Variants in COL5A2 observed in about 807,000 individuals in gnomAD.
The protein encoded by COL5A2 is collagen alpha-2(V) chain.
Under a neutral mutation model 208.2 loss-of-function variants are expected in COL5A2, and 23 were observed. That is an observed-to-expected ratio of 0.11 (90% confidence interval 0.08 to 0.16). The LOEUF is 0.16. Among genes scored for constraint, COL5A2 ranks in the 10% least tolerant of loss-of-function variants. The pLI is 1.00. For missense variants in COL5A2, 1,590 were observed against 1,956.4 expected, an observed-to-expected ratio of 0.81 and a Z score of 3.53; for synonymous variants, 625 against 628.5, an observed-to-expected ratio of 0.99 and a Z score of 0.08.
At chr2:189,331,908 C>T in the COL5A2 span, among the ~76,000 whole-genome samples, 4 of 150,204 alleles carry the variant, frequency 2.7e-5, no homozygotes, top group Admixed American at 2.6e-4. Flanking sequence ...GGAGATTGTG[C>T]CACTGCACTC....
At chr2:189,152,241 C>T (rs1688159086) in intron 1 of COL5A2, among the ~76,000 whole-genome samples, 1 of 152,168 alleles carries the variant, frequency 6.6e-6, no homozygotes, top group Non-Finnish European at 1.5e-5. Context: ...GATGATGCAG[C>T]TCATAGATGA....
chr2:189,228,348 T>C (rs1307664600), upstream of COL5A2, among the ~76,000 whole-genome samples: 1 of 151,070 alleles, frequency 6.6e-6, no homozygotes, highest in Non-Finnish European at 1.5e-5. Flanking sequence ...AGAAAAACCA[T>C]AGAAAAATCA....
chr2:189,051,697 G>C (rs1213494946), intron 41 of COL5A2, among the ~76,000 whole-genome samples: 1 of 152,150 alleles, frequency 6.6e-6, no homozygotes, highest in Non-Finnish European at 1.5e-5. Context: ...AATATCATTT[G>C]CAGTCAATTC....
the COL5A2 span, among the ~76,000 whole-genome samples, chr2:189,265,299 T>G: frequency 6.6e-6 from 1 of 152,178 alleles, no homozygotes; most frequent in Non-Finnish European, 1.5e-5. Context: ...TCTCACAGTT[T>G]GGAAAGCTAG....
the COL5A2 span, among the ~76,000 whole-genome samples, chr2:189,261,234 T>C: frequency 6.6e-6 from 1 of 152,178 alleles, no homozygotes; most frequent in Non-Finnish European, 1.5e-5. Context: ...ACTGAAACCA[T>C]CAAGCTGTTG....
Position 189,066,477 on chromosome 2 carries a change from A to T in COL5A2, c.1476T>A (p.Gly492=). 6.2e-7 allele frequency: 1 copy of T among 1,614,134 alleles called. No individual in the cohort carries two copies. Among genetic ancestry groups the T allele is most frequent in the Non-Finnish European group, 8.5e-7 (1 of 1,180,024 alleles). The part of the protein sequence containing the change: ...KGEPGPHGIQ[G]PIGPPGEEGK... ...CTTCTTCACCGGGTGGGCCTATCGG[A>T]CCCTGAATACCATGTGGCCCCTGTT... is the stretch of plus-strand genomic sequence containing the variant. Residue 492 remains glycine (G), a synonymous_variant, in exon 23 of 54, where the codon GGT becomes GGA. Transcript: ENST00000374866.
At chr2:189,410,448 C>T in the COL5A2 span, among the ~76,000 whole-genome samples, 1 of 152,024 alleles carries the variant, frequency 6.6e-6, no homozygotes, top group African/African-American at 2.4e-5. Flanking sequence ...TACCTGCAGT[C>T]CTAGCTGCTG....
At chr2:189,126,882 A>G (rs1687617061) in intron 1 of COL5A2, among the ~76,000 whole-genome samples, 1 of 152,116 alleles carries the variant, frequency 6.6e-6, no homozygotes, top group African/African-American at 2.4e-5. Flanking sequence ...CTGAGTACCT[A>G]TTATGTGCCA....
At chr2:189,107,110 A>G (rs1234830562) in intron 2 of COL5A2, among the ~76,000 whole-genome samples, 1 of 151,504 alleles carries the variant, frequency 6.6e-6, no homozygotes, top group Non-Finnish European at 1.5e-5. Flanking sequence ...GTCTCTTTCA[A>G]TGTTCAAGAA....
At chr2:189,362,261 T>A in the COL5A2 span, among the ~76,000 whole-genome samples, 1 of 152,122 alleles carries the variant, frequency 6.6e-6, no homozygotes, top group African/African-American at 2.4e-5. Flanking sequence ...CCTATATAAT[T>A]TTTAGACAAT....
intron 1 of COL5A2, among the ~76,000 whole-genome samples, chr2:189,111,557 C>T (rs922010089): frequency 4.1e-5 from 6 of 146,746 alleles, no homozygotes; most frequent in African/African-American, 7.5e-5. Context: ...CATCTCCCCG[C>T]GAAATTCTTT....
chr2:189,053,378 C>T, intron 38 of COL5A2, 46 bp downstream of exon 38: 3 of 1,468,414 alleles, frequency 2.0e-6, no homozygotes, highest in Non-Finnish European at 2.9e-6. Flanking sequence ...CTTATTATAA[C>T]AAGATAAGTG....
intron 1 of COL5A2, among the ~76,000 whole-genome samples, chr2:189,135,340 A>T (rs202168983): frequency 6.6e-6 from 1 of 152,190 alleles, no homozygotes; most frequent in African/African-American, 2.4e-5. Context: ...TTTATGAGAA[A>T]ATATTGCCAC....
the COL5A2 span, among the ~76,000 whole-genome samples, chr2:189,399,322 C>A: frequency 6.6e-6 from 1 of 150,592 alleles, no homozygotes; most frequent in Non-Finnish European, 1.5e-5. Context: ...GTGATCTCAG[C>A]TCACTTCAAC....
chr2:189,408,385 G>A, the COL5A2 span, among the ~76,000 whole-genome samples: 1,118 of 152,206 alleles, frequency 7.3e-3, 17 homozygotes, highest in African/African-American at 0.025. Flanking sequence ...ATGGTGTGAT[G>A]CGGGAAGAAA....
At chr2:189,262,498 T>G in the COL5A2 span, among the ~76,000 whole-genome samples, 1 of 152,086 alleles carries the variant, frequency 6.6e-6, no homozygotes. Context: ...ACTTTAAAAC[T>G]GATCACGAAG....
intron 1 of COL5A2, among the ~76,000 whole-genome samples, chr2:189,210,381 A>T (rs1188566027): frequency 6.6e-6 from 1 of 151,764 alleles, no homozygotes; most frequent in African/African-American, 2.4e-5. Context: ...AGAATGAGTC[A>T]TATTTTCGTC....
At chr2:189,263,842 A>G in the COL5A2 span, among the ~76,000 whole-genome samples, 17 of 152,024 alleles carry the variant, frequency 1.1e-4, 1 homozygote, top group Admixed American at 2.0e-4. Flanking sequence ...GTCTAAGTAC[A>G]CTCTTTGATA....
chr2:189,253,667 G>C, the COL5A2 span, among the ~76,000 whole-genome samples: 133,325 of 152,272 alleles, frequency 0.88, 58,872 homozygotes, highest in East Asian at 0.99. Flanking sequence ...CCTTGATTTA[G>C]TCATCTTTTA....
Sources: gnomAD v4.1 joint callset for allele counts (sites outside exome capture counted in the v4.1 genomes callset) on GRCh38, gnomAD v4.1.1 for gene constraint, MANE v1.5 for transcripts, NCBI Gene and HGNC (gene_info 2026-07-23, HGNC 2026-07-21) for gene names.